ADCY3: variants seen among roughly 807,000 people sequenced by gnomAD.
ADCY3 encodes adenylate cyclase type 3.
A neutral mutation model predicts 119.4 loss-of-function variants in ADCY3; 70 were observed. The observed-to-expected ratio is 0.59, with a 90% CI of 0.48 to 0.72. The LOEUF (loss-of-function observed/expected upper bound fraction) is 0.72. ADCY3 is among the 30% of genes least tolerant of loss of function. The probability of loss-of-function intolerance (pLI) is 0.00; values close to 1 mark genes in which losing one functional copy is unlikely to be tolerated. For missense variants in ADCY3, 1,238 were observed against 1,541.6 expected, an observed-to-expected ratio of 0.80 and a Z score of 3.30; for synonymous variants, 672 against 621.4, an observed-to-expected ratio of 1.08 and a Z score of -1.21.
At chr2:24,869,826 A>G (rs1384558145) in intron 3 of ADCY3, among the ~76,000 whole-genome samples, 1 of 152,164 alleles carries the variant, frequency 6.6e-6, no homozygotes, top group Admixed American at 6.5e-5. Flanking sequence ...GCATAACCGT[A>G]ATACCAAAAC....
At chr2:24,884,085 C>T (rs1466592773) in intron 2 of ADCY3, among the ~76,000 whole-genome samples, 1 of 152,206 alleles carries the variant, frequency 6.6e-6, no homozygotes, top group East Asian at 1.9e-4. Context: ...CAGCCTCTCA[C>T]AGCCTTCCCA....
At chr2:24,896,883 T>C (rs1312997091) in intron 2 of ADCY3, among the ~76,000 whole-genome samples, 1 of 152,194 alleles carries the variant, frequency 6.6e-6, no homozygotes, top group Admixed American at 6.5e-5. Flanking sequence ...TCTCCCTCCC[T>C]GTGGTAGAAT....
In ADCY3 at chr2:24,899,370, C is replaced by T. The variant is rs986614197; in HGVS notation, c.675+18943G>A. 1.3e-5 allele frequency among the ~76,000 whole-genome samples: 2 copies of T among 152,218 alleles called. No individual in the cohort carries two copies. Among genetic ancestry groups the T allele is most frequent in the African/African-American group, 4.8e-5 (2 of 41,452 alleles). Reference sequence around the variant, plus strand: ...ATAAACCATTCTCTTGCGACCAAAGCCCATGTCTGTCTAAGAGCGGGACCT... The same window carrying T: ...ATAAACCATTCTCTTGCGACCAAAGTCCATGTCTGTCTAAGAGCGGGACCT... On this transcript the variant is annotated intron_variant, in intron 2 of 21. Coordinates refer to ENST00000679454, the MANE Select transcript of ADCY3 (RefSeq NM_004036.5). This position sits in a 1 kb window ranked among gnomAD's most constrained non-coding sequence, Gnocchi z 4.5.
Position 24,821,613 on chromosome 2 carries a change from GCCAGCGCTCT to G in ADCY3, c.3021_3030del (p.Arg1007SerfsTer14). ...AAGTCGGCCAGGTCAGCCAGGTGCT[GCCAGCGCTCT>G]CTCTCGGACTTGTCTTCCTGTGCCA... On this transcript the variant is annotated frameshift_variant, in exon 20 of 22. Transcript: ENST00000679454. LOFTEE classifies it high-confidence loss of function. The G allele has an allele frequency of 6.2e-7, 1 of 1,614,138 alleles. No individual in the cohort carries two copies. The highest frequency in any genetic ancestry group is 8.5e-7 in the Non-Finnish European group (1 of 1,180,018).
intron 2 of ADCY3, among the ~76,000 whole-genome samples, chr2:24,876,407 C>T (rs953928445): frequency 4.6e-5 from 7 of 152,172 alleles, no homozygotes; most frequent in Non-Finnish European, 8.8e-5. Flanking sequence ...CCACAGCCTC[C>T]ATACACAGTG....
intron 21 of ADCY3, 74 bp from the exon 22 acceptor site, chr2:24,820,188 T>C: frequency 8.0e-7 from 1 of 1,253,294 alleles, no homozygotes. Context: ...GGGCTTTGGG[T>C]GGTTGGAGCC....
chr2:24,887,947 T>C (rs1427243628), intron 2 of ADCY3, among the ~76,000 whole-genome samples: 1 of 152,174 alleles, frequency 6.6e-6, no homozygotes, highest in African/African-American at 2.4e-5. Flanking sequence ...TACTCCTGAA[T>C]TTATTCCCAA....
Position 24,841,520 on chromosome 2 carries a change from G to A in ADCY3, c.1068+36C>T. On this transcript the variant is annotated intron_variant, in intron 5 of 21. Transcript: ENST00000679454. The surrounding 1 kb of genome is among the most constrained non-coding windows in gnomAD (Gnocchi z 5.8). ...GGCCAGGCAGAGGCCATGAGGGCAG[G>A]CCCCGCTGGAGAGCCAGGCGGGGCC... 1 of 1,601,248 alleles carries A rather than the reference G, an allele frequency of 6.2e-7. No individual in the cohort carries two copies. The highest frequency in any genetic ancestry group is 2.2e-5 in the East Asian group (1 of 44,660).
At chr2:24,914,141 G>T (rs1664144724) in intron 2 of ADCY3, among the ~76,000 whole-genome samples, 1 of 152,210 alleles carries the variant, frequency 6.6e-6, no homozygotes, top group South Asian at 2.1e-4. Flanking sequence ...CCAGGCCAGG[G>T]GAGCGAAATG....
At chr2:24,885,569 G>A (rs1013534016) in intron 2 of ADCY3, among the ~76,000 whole-genome samples, 1 of 152,058 alleles carries the variant, frequency 6.6e-6, no homozygotes, top group Non-Finnish European at 1.5e-5. Context: ...ATCCCAGCTG[G>A]TCTTTCCAGG....
At chr2:24,850,561 C>T (rs1216450172) in intron 3 of ADCY3, among the ~76,000 whole-genome samples, 1 of 152,206 alleles carries the variant, frequency 6.6e-6, no homozygotes, top group Non-Finnish European at 1.5e-5. Context: ...GCAGAGCCTG[C>T]TCTTCCAAAG....
At chr2:24,839,217 C>T (rs1670703482) in intron 7 of ADCY3, among the ~76,000 whole-genome samples, 1 of 152,190 alleles carries the variant, frequency 6.6e-6, no homozygotes, top group African/African-American at 2.4e-5. Context: ...GCTGGGATTA[C>T]AGGCGTGAGC....
At position 24,829,665 on chromosome 2, in the gene ADCY3, G is replaced by A. The variant is rs559263182; in HGVS notation, c.2172+1044C>T. Among the ~76,000 whole-genome samples the A allele has an allele frequency of 2.8e-4, 43 of 151,752 alleles. No individual in the cohort carries two copies. The South Asian group carries it at 3.1e-3, about 11-fold the overall frequency. On this transcript the variant is annotated intron_variant, in intron 13 of 21. Coordinates refer to ENST00000679454, the MANE Select transcript of ADCY3 (RefSeq NM_004036.5). ...TTTCGATCTCCTGACCTCGTGATCC[G>A]CCCGCCTTGGCCTCCCAAAGTGCTG...
intron 2 of ADCY3, among the ~76,000 whole-genome samples, chr2:24,883,932 GA>G (rs1390904294): frequency 6.6e-6 from 1 of 152,180 alleles, no homozygotes; most frequent in African/African-American, 2.4e-5. Context: ...GACATTTTGA[GA>G]GTAAAACTTT....
Position 24,838,604 on chromosome 2 carries a change from C to G in ADCY3, c.1374G>C (p.Gln458His). ...GGIPGRVHISQSTMDCLKGEF... is the reference protein window; with the variant it reads ...GGIPGRVHISHSTMDCLKGEF... ...CCCCTTTCAGGCAGTCCATGGTGCTCTGGGAGATGTGCACGCGCCTGGATT... is the reference window on the plus strand; with the variant it reads ...CCCCTTTCAGGCAGTCCATGGTGCTGTGGGAGATGTGCACGCGCCTGGATT... Residue 458 changes from glutamine to histidine, a missense_variant, in exon 8 of 22, where the codon CAG (glutamine) becomes CAC (histidine). Physicochemically the swap from Gln to His is conservative, Grantham distance 24 (BLOSUM62 0). Coordinates refer to ENST00000679454, the MANE Select transcript of ADCY3 (RefSeq NM_004036.5). 1 of 1,614,046 alleles carries G rather than the reference C, an allele frequency of 6.2e-7. No individual in the cohort carries two copies. Among genetic ancestry groups the G allele is most frequent in the Non-Finnish European group, 8.5e-7 (1 of 1,180,044 alleles).
chr2:24,849,757 A>G (rs1325796548), intron 3 of ADCY3, among the ~76,000 whole-genome samples: 1 of 152,114 alleles, frequency 6.6e-6, no homozygotes, highest in African/African-American at 2.4e-5. Flanking sequence ...GGAAAGGAGG[A>G]GGGGGGTCTG....
At chr2:24,881,837 A>C (rs2148879472) in intron 2 of ADCY3, among the ~76,000 whole-genome samples, 1 of 152,200 alleles carries the variant, frequency 6.6e-6, no homozygotes, top group African/African-American at 2.4e-5. Flanking sequence ...TTTGACAGTC[A>C]CGACTAGGAG....
At position 24,918,544 on chromosome 2, in the gene ADCY3, G is replaced by A. The variant is rs376158397; in HGVS notation, c.444C>T (p.Thr148=). 1.9e-6 allele frequency: 3 copies of A among 1,614,046 alleles called. No homozygotes were observed. The highest frequency in any genetic ancestry group is 2.5e-6 in the Non-Finnish European group (3 of 1,179,972). ...GGCCCAGGTAGGAGAAGATCTGGGCGGTTATGAGCAGCCACAGCACGTAGG... is the reference window on the plus strand; with the variant it reads ...GGCCCAGGTAGGAGAAGATCTGGGCAGTTATGAGCAGCCACAGCACGTAGG... The part of the protein sequence containing the change: ...VLPYVLWLLI[T]AQIFSYLGLN... The change falls in exon 2 of 22, where the codon ACC becomes ACT. Residue 148 remains threonine, a synonymous_variant. Coordinates refer to ENST00000679454, the MANE Select transcript of ADCY3 (RefSeq NM_004036.5). This position sits in a 1 kb window ranked among gnomAD's most constrained non-coding sequence, Gnocchi z 5.4.
At chr2:24,902,206 T>A (rs7563204) in intron 2 of ADCY3, among the ~76,000 whole-genome samples, 1 of 149,662 alleles carries the variant, frequency 6.7e-6, no homozygotes, top group African/African-American at 2.5e-5. Context: ...TCAGTCTCCC[T>A]AGTGTCTGGG....
Sources: gnomAD v4.1 joint callset for allele counts (sites outside exome capture counted in the v4.1 genomes callset) on GRCh38, gnomAD v4.1.1 for gene constraint, Gnocchi (gnomAD v3.1) non-coding constraint, MANE v1.5 for transcripts, NCBI Gene and HGNC (gene_info 2026-07-23, HGNC 2026-07-21) for gene names.